The following RGP1 variants were observed in gnomAD, a reference collection of about 807,000 sequenced individuals.
The protein encoded by RGP1 is RAB6A-GEF complex partner protein 2.
Under a neutral mutation model 44.5 loss-of-function variants are expected in RGP1, and 28 were observed. The ratio of observed to expected loss-of-function variants is 0.63; its 90% CI spans 0.47 to 0.86. The LOEUF is 0.86. Among genes scored for constraint, RGP1 ranks in the 40% least tolerant of loss-of-function variants. The pLI is 0.00. For missense variants in RGP1, 417 were observed against 490.7 expected (o/e 0.85, Z 1.42); for synonymous variants, 212 against 196.7 (o/e 1.08, Z -0.65).
At position 35,757,198 on chromosome 9, in the gene RGP1, G is replaced by T. The variant is rs1422369454; in HGVS notation, c.*4324G>T. 6.6e-6 allele frequency: 1 copy of T among 152,318 alleles called. No individual in the cohort carries two copies. Among genetic ancestry groups the T allele is most frequent in the Non-Finnish European group, 1.5e-5 (1 of 68,158 alleles). The allele number at this position is 152,318 out of a possible 1,614,324, so 9.4% of individuals were successfully genotyped here. A position where few individuals can be genotyped will look rare whatever the true frequency, so the allele number is the denominator to read the frequency against. On this transcript the variant is annotated 3_prime_UTR_variant, in exon 9 of 9. Transcript: ENST00000378078. ...CCCAACCCCGGCCGCTGGCCCTCTG[G>T]TGAGTCACAGCCGACCCCCGCCGCC...
chr9:35,752,096 C>A lies in RGP1; in HGVS notation c.903C>A (p.Phe301Leu). The change falls in exon 8 of 9, where the codon TTC becomes TTA. Residue 301 changes from phenylalanine (F) to leucine (L), a missense_variant. Phe to Leu is a conservative substitution (Grantham distance 22). Coordinates refer to ENST00000378078, the MANE Select transcript of RGP1 (RefSeq NM_001080496.3). ...ESCLHTTRTS[F>L]SLPIPLSSTP... The stretch of plus-strand genomic sequence containing the variant: ...GCCTACATACAACTAGAACCAGCTT[C>A]TCCCTCCCAATCCCTCTCAGCTCCA... 6.2e-7 allele frequency: 1 copy of A among 1,601,006 alleles called. No individual in the cohort carries two copies. The highest frequency in any genetic ancestry group is 8.5e-7 in the Non-Finnish European group (1 of 1,173,110).
chr9:35,770,577 A>G, the RGP1 span, among the ~76,000 whole-genome samples: 1 of 150,478 alleles, frequency 6.6e-6, no homozygotes. Flanking sequence ...ATCCCTGAGG[A>G]TCATCAATCA....
Position 35,750,559 on chromosome 9 carries a change from C to T in RGP1, c.254-99C>T, listed in dbSNP as rs147683021. The T allele has an allele frequency of 2.4e-3, 3,275 of 1,383,334 alleles. 4 individuals carry two copies. The highest frequency in any genetic ancestry group is 2.9e-3 in the Non-Finnish European group (2,815 of 983,018). The allele number at this position is 1,383,334 out of a possible 1,614,324, so 85.7% of individuals were successfully genotyped here. ...GACTATTCCCATTTCACAGCAGGGA[C>T]GGAGGGCCTGGCAGCCTTTCACTAT... On this transcript the variant is annotated intron_variant, in intron 3 of 8. Coordinates refer to ENST00000378078, the MANE Select transcript of RGP1 (RefSeq NM_001080496.3).
rs41277071 is a variant in RGP1 at position 35,757,453 on chromosome 9, C to T, written c.*4579C>T. 0.02 allele frequency: 3,005 copies of T among 152,602 alleles called. 41 individuals are homozygous for T. The highest frequency in any genetic ancestry group is 0.034 in the Middle Eastern group (10 of 292). 9.5% of individuals were successfully genotyped at this position (152,602 alleles called of 1,614,324 possible). On this transcript the variant is annotated 3_prime_UTR_variant, in exon 9 of 9. Transcript: ENST00000378078. ...CAAGGAGGGGCCCCCGAGGGGGAAA[C>T]CGGGAGTCGGGCAGGTGGCGTAACC...
At chr9:35,750,566 C>T in intron 3 of RGP1, 92 bp from the exon 4 acceptor site, 1 of 1,419,342 alleles carries the variant, frequency 7.0e-7, no homozygotes, top group Non-Finnish European at 9.9e-7. Context: ...GGACGGAGGG[C>T]CTGGCAGCCT....
At chr9:35,784,428 G>A in the RGP1 span, among the ~76,000 whole-genome samples, 3 of 152,058 alleles carry the variant, frequency 2.0e-5, no homozygotes, top group Non-Finnish European at 2.9e-5. Context: ...GTTGACTTTC[G>A]TAAGTGATGA....
Position 35,749,603 on chromosome 9 carries a change from C to A in RGP1, c.-19-134C>A. ...GTCGCCTCCCTCCCACCCGCCTACC[C>A]CTCCTATATCCAGGAGCTCCCTCGG... On this transcript the variant is annotated intron_variant, in intron 1 of 8. Transcript: ENST00000378078. This position sits in a 1 kb window ranked among gnomAD's most constrained non-coding sequence, Gnocchi z 4.4. 1.4e-6 allele frequency: 1 copy of A among 694,046 alleles called. No individual in the cohort carries two copies. 43.0% of individuals were successfully genotyped at this position (694,046 alleles called of 1,614,324 possible).
Position 35,752,669 on chromosome 9 carries a change from T to C in RGP1, c.971T>C (p.Leu324Ser). 6.2e-7 allele frequency: 1 copy of C among 1,611,952 alleles called. No individual in the cohort carries two copies. The highest frequency in any genetic ancestry group is 8.5e-7 in the Non-Finnish European group (1 of 1,178,928). ...TCCATAGTGTCCTTGAAGTGGAGAT[T>C]GCATTTTGAATTTGTAACGTCCCGA... Reference protein sequence around the residue: ...CTAIVSLKWRLHFEFVTSREP... With the variant: ...CTAIVSLKWRSHFEFVTSREP... The change falls in exon 9 of 9, where the codon TTG becomes TCG. Residue 324 changes from leucine (L) to serine (S), a missense_variant. Coordinates refer to ENST00000378078, the MANE Select transcript of RGP1 (RefSeq NM_001080496.3).
chr9:35,752,123 C>G lies in RGP1; in HGVS notation c.930C>G (p.Thr310=). The G allele has an allele frequency of 6.3e-7, 1 of 1,577,340 alleles. No homozygotes were observed. Among genetic ancestry groups the G allele is most frequent in the Non-Finnish European group, 8.6e-7 (1 of 1,162,710 alleles). Residue 310 remains threonine (T), a synonymous_variant, in exon 8 of 9, where the codon ACC becomes ACG. Coordinates refer to ENST00000378078, the MANE Select transcript of RGP1 (RefSeq NM_001080496.3). ...CCCTCCCAATCCCTCTCAGCTCCAC[C>G]CCAGGCTTCTGTACAGCCATTGGTG... The part of the protein sequence containing the change: ...SFSLPIPLSS[T]PGFCTAIVSL...
the RGP1 span, among the ~76,000 whole-genome samples, chr9:35,765,091 T>C: frequency 6.8e-6 from 1 of 146,306 alleles, no homozygotes; most frequent in Non-Finnish European, 1.5e-5. Context: ...GCCACTGCAC[T>C]CCAGCCTGAC....
At position 35,750,842 on chromosome 9, in the gene RGP1, T is replaced by G. The variant is rs2132032433; in HGVS notation, c.340T>G (p.Ser114Ala). The change falls in exon 5 of 9, where the codon TCC (serine) becomes GCC (alanine). Residue 114 changes from serine to alanine, a missense_variant and splice_region_variant. Transcript: ENST00000378078. ...CCTGACAACTACTTCCCAACCAGAC[T>G]CCTACAGTGAAGTGCTGCCCATAGA... ...RLDPGESKSY[S>A]YSEVLPIEGP... The G allele has an allele frequency of 6.2e-7, 1 of 1,613,894 alleles. No individual in the cohort carries two copies. The highest frequency in any genetic ancestry group is 8.5e-7 in the Non-Finnish European group (1 of 1,179,836).
chr9:35,781,030 C>T, the RGP1 span, among the ~76,000 whole-genome samples: 3 of 152,108 alleles, frequency 2.0e-5, no homozygotes, highest in Non-Finnish European at 4.4e-5. Flanking sequence ...AATTCCTTCT[C>T]ATGGAATACA....
chr9:35,751,893 T>A lies in RGP1; in HGVS notation c.763-63T>A, dbSNP rs148273183. 19,144 of 1,556,984 alleles carry A rather than the reference T, an allele frequency of 0.012. 147 individuals carry two copies. The highest frequency in any genetic ancestry group is 0.014 in the Non-Finnish European group (16,352 of 1,147,840). The stretch of plus-strand genomic sequence containing the variant: ...GTCCCTTTGTAAAACAGCTTGAGGT[T>A]GGGCTGTCCTCTCACCTACAGACAG... On this transcript the variant is annotated intron_variant, in intron 7 of 8. Transcript: ENST00000378078.
At chr9:35,770,478 A>G in the RGP1 span, among the ~76,000 whole-genome samples, 1 of 146,366 alleles carries the variant, frequency 6.8e-6, no homozygotes, top group East Asian at 2.0e-4. Flanking sequence ...AGCAATGGGC[A>G]TAGGTATTAC....
chr9:35,765,025 C>G, the RGP1 span, among the ~76,000 whole-genome samples: 1 of 151,552 alleles, frequency 6.6e-6, no homozygotes, highest in Admixed American at 6.6e-5. Context: ...ACTCAGGAGG[C>G]TGAGGCAGGA....
the RGP1 span, among the ~76,000 whole-genome samples, chr9:35,766,147 TAAA>T: frequency 3.2e-5 from 4 of 125,108 alleles, no homozygotes; most frequent in Admixed American, 8.1e-5. Context: ...GTCAGTTTCT[TAAA>T]AAAAAAAAAA....
rs750533155 is a variant in RGP1, at chr9:35,750,323, A to C, written c.197A>C (p.Asp66Ala). 15 of 1,613,404 alleles carry C rather than the reference A, an allele frequency of 9.3e-6. No homozygotes were observed. Among genetic ancestry groups the C allele is most frequent in the Admixed American group, 1.7e-5 (1 of 59,956 alleles). ...SESRVALPPPDSSQPDVQPDS... is the reference protein window; with the variant it reads ...SESRVALPPPASSQPDVQPDS... ...AGTCGAGTAGCACTGCCTCCTCCTG[A>C]CTCTAGTCAGCCAGATGTCCAGCCC... The change falls in exon 3 of 9, where the codon GAC becomes GCC. Residue 66 changes from aspartate (D) to alanine (A), a missense_variant. Asp to Ala is a moderately radical substitution (Grantham distance 126). Transcript: ENST00000378078.
chr9:35,751,451 C>T, intron 6 of RGP1, 39 bp downstream of exon 6: 2 of 1,612,168 alleles, frequency 1.2e-6, no homozygotes, highest in African/African-American at 1.3e-5. Context: ...CCATCCTTCC[C>T]CTCATTGTTT....
chr9:35,764,274 G>A, the RGP1 span, among the ~76,000 whole-genome samples: 1 of 152,164 alleles, frequency 6.6e-6, no homozygotes, highest in Admixed American at 6.5e-5. Flanking sequence ...TTAAGCTAAT[G>A]ATGAGAAGTG....
Sources: allele counts gnomAD v4.1 joint callset (sites outside exome capture counted in the v4.1 genomes callset), GRCh38; gene constraint gnomAD v4.1.1; non-coding constraint Gnocchi (gnomAD v3.1); transcripts MANE v1.5; gene names NCBI Gene and HGNC (gene_info 2026-07-23, HGNC 2026-07-21).